Variants in APLF observed in about 807,000 individuals in gnomAD.
APLF encodes the protein aprataxin and PNKP like factor.
In APLF, 61 loss-of-function variants were observed where a neutral mutation model predicts 55.6. The observed-to-expected ratio is 1.10, with a 90% CI of 0.89 to 1.36. The LOEUF (loss-of-function observed/expected upper bound fraction) is 1.36, where lower values mean the gene tolerates loss of function less well. Ranked by LOEUF, APLF falls within the 40% of genes most tolerant of loss-of-function variation. The pLI, the probability that APLF is intolerant of heterozygous loss-of-function variation, is 0.00. For synonymous variants in APLF, 207 were observed against 214.8 expected (o/e 0.96, Z 0.32); for missense variants, 611 against 602.5 (o/e 1.01, Z -0.15).
At position 68,578,513 on chromosome 2, in the gene APLF, A is replaced by G. The variant is rs372060333; in HGVS notation, c.*491A>G. ...TGGCGTTTTTTTTCTAGTACCTTAG[A>G]TGTGAGCTTTGCAATTTCACTTACT... On this transcript the variant is annotated 3_prime_UTR_variant, in exon 10 of 10. Transcript: ENST00000303795. The G allele has an allele frequency of 3.4e-5, 34 of 986,144 alleles. No individual in the cohort carries two copies. The East Asian group carries it at 1.8e-3, about 52-fold the overall frequency. 61.1% of individuals were successfully genotyped at this position (986,144 alleles called of 1,614,324 possible).
chr2:68,478,697 T>C (rs938506750), intron 1 of APLF, among the ~76,000 whole-genome samples: 1 of 152,014 alleles, frequency 6.6e-6, no homozygotes, highest in Non-Finnish European at 1.5e-5. Context: ...GGTTTTTTAA[T>C]GTAGATCAAA....
intron 1 of APLF, among the ~76,000 whole-genome samples, 165 bp downstream of exon 1, chr2:68,467,992 A>G (rs1675486126): frequency 6.6e-6 from 1 of 152,218 alleles, no homozygotes; most frequent in Non-Finnish European, 1.5e-5. Context: ...AAGCCAATTC[A>G]CAAACATTTC....
intron 5 of APLF, among the ~76,000 whole-genome samples, chr2:68,521,204 T>C (rs1419611339): frequency 6.6e-6 from 1 of 152,040 alleles, no homozygotes; most frequent in Non-Finnish European, 1.5e-5. Context: ...GAAACTTTGC[T>C]GAGTTCATTT....
At position 68,578,122 on chromosome 2, in the gene APLF, CT is replaced by C. The variant is rs1271511415; in HGVS notation, c.*104del. On this transcript the variant is annotated 3_prime_UTR_variant, in exon 10 of 10. Transcript: ENST00000303795. ...TACTTAAGTGACAGTTATTTTCCTT[CT>C]TTTGATAGTTAATGACTTTTACTAC... 5.5e-6 allele frequency: 8 copies of C among 1,462,730 alleles called. No homozygotes were observed. In the Admixed American group the frequency reaches 1.8e-4, roughly 33 times the overall value. 90.6% of individuals were successfully genotyped at this position (1,462,730 alleles called of 1,614,324 possible). A position where few individuals can be genotyped will look rare whatever the true frequency, so the allele number is the denominator to read the frequency against.
intron 6 of APLF, among the ~76,000 whole-genome samples, chr2:68,533,314 C>T (rs990507817): frequency 3.3e-5 from 5 of 152,156 alleles, no homozygotes; most frequent in Non-Finnish European, 7.3e-5. Context: ...ACAAAACAGA[C>T]TATGTATTTC....
intron 8 of APLF, among the ~76,000 whole-genome samples, chr2:68,552,875 A>G (rs938794065): frequency 1.3e-5 from 2 of 152,138 alleles, no homozygotes; most frequent in Non-Finnish European, 2.9e-5. Context: ...TCACCTACTG[A>G]ACTGCTTTGT....
intron 4 of APLF, 44 bp from the exon 5 acceptor site, chr2:68,513,504 C>T (rs1669471958): frequency 3.1e-6 from 5 of 1,598,028 alleles, no homozygotes; most frequent in Admixed American, 3.5e-5. Context: ...CAAATTCATT[C>T]AAGATGTGTG....
At chr2:68,557,951 C>A (rs1671059994) in intron 8 of APLF, among the ~76,000 whole-genome samples, 1 of 151,684 alleles carries the variant, frequency 6.6e-6, no homozygotes, top group Non-Finnish European at 1.5e-5. Context: ...CACCTTAATC[C>A]ATTTTTATAG....
At chr2:68,481,894 T>C (rs1558527210) in intron 1 of APLF, among the ~76,000 whole-genome samples, 2 of 151,994 alleles carry the variant, frequency 1.3e-5, no homozygotes. Context: ...CTTGATTTTA[T>C]TTTTTATTTT....
intron 1 of APLF, among the ~76,000 whole-genome samples, chr2:68,478,423 T>C (rs1675847162): frequency 6.6e-6 from 1 of 152,176 alleles, no homozygotes; most frequent in Non-Finnish European, 1.5e-5. Context: ...AGGCTTGCTA[T>C]AAGAAAAACA....
intron 8 of APLF, among the ~76,000 whole-genome samples, chr2:68,551,754 C>CTTT (rs369676795): frequency 1.3e-4 from 18 of 141,390 alleles, no homozygotes; most frequent in African/African-American, 2.3e-4. Context: ...GGTTCTGCTT[C>CTTT]TTTTTTTTTT....
rs778988964 is a variant in APLF at position 68,513,734 on chromosome 2, T to A, written c.622+54T>A. 1.8e-5 allele frequency: 28 copies of A among 1,583,730 alleles called. 1 individual carries two copies. The South Asian group carries it at 2.8e-4, about 16-fold the overall frequency. ...TTTAAAGGAAACATTAAACAGAATT[T>A]GAAAGCTTTTCTGAAGAAAAACTAT... On this transcript the variant is annotated intron_variant, in intron 5 of 9. Transcript: ENST00000303795.
chr2:68,549,307 A>G (rs1443486753), intron 8 of APLF, among the ~76,000 whole-genome samples: 3 of 152,030 alleles, frequency 2.0e-5, no homozygotes, highest in Admixed American at 6.6e-5. Context: ...CTAATAATTT[A>G]TAGTTTGAAC....
At chr2:68,528,552 C>G in intron 6 of APLF, 1 of 1,533,978 alleles carries the variant, frequency 6.5e-7, no homozygotes, top group Non-Finnish European at 8.7e-7. Flanking sequence ...CCAAGAGCTG[C>G]AGGATCCTTG....
intron 5 of APLF, among the ~76,000 whole-genome samples, chr2:68,518,798 A>AT (rs1476615364): frequency 6.3e-4 from 13 of 20,648 alleles, no homozygotes; most frequent in African/African-American, 2.3e-3. Flanking sequence ...AAATATTAAT[A>AT]ATCTATCATA....
intron 5 of APLF, among the ~76,000 whole-genome samples, chr2:68,520,705 G>T (rs1477323632): frequency 1.3e-5 from 2 of 151,808 alleles, no homozygotes; most frequent in Non-Finnish European, 2.9e-5. Flanking sequence ...CTATTTTGCT[G>T]GCCGTAGCCT....
intron 8 of APLF, among the ~76,000 whole-genome samples, chr2:68,551,214 A>G (rs1033112552): frequency 1.1e-4 from 16 of 151,990 alleles, no homozygotes; most frequent in Non-Finnish European, 4.4e-5. Context: ...AGTTGTCTAT[A>G]TTATTATTGC....
At chr2:68,482,934 A>G (rs371411517) in intron 1 of APLF, among the ~76,000 whole-genome samples, 18 of 151,630 alleles carry the variant, frequency 1.2e-4, no homozygotes, top group African/African-American at 3.2e-4. Context: ...AGGTGTAGGC[A>G]TGTGGTGTTT....
At chr2:68,553,243 G>A (rs1670914619) in intron 8 of APLF, among the ~76,000 whole-genome samples, 1 of 152,022 alleles carries the variant, frequency 6.6e-6, no homozygotes, top group Admixed American at 6.6e-5. Context: ...AGTACCTCTA[G>A]ATAAGGAACT....
Sources: gnomAD v4.1 joint callset for allele counts (sites outside exome capture counted in the v4.1 genomes callset) on GRCh38, gnomAD v4.1.1 for gene constraint, MANE v1.5 for transcripts, NCBI Gene and HGNC (gene_info 2026-07-23, HGNC 2026-07-21) for gene names.